Variants in NRK observed in about 807,000 individuals in gnomAD.
NRK encodes the protein Nik related kinase.
A neutral mutation model predicts 125.2 loss-of-function variants in NRK; 67 were observed. That is an observed-to-expected ratio of 0.54 (90% CI 0.44 to 0.66). The LOEUF (loss-of-function observed/expected upper bound fraction) is 0.66. Among genes scored for constraint, NRK ranks in the 30% least tolerant of loss-of-function variants. The probability of loss-of-function intolerance (pLI) is 0.00; values close to 1 mark genes in which losing one functional copy is unlikely to be tolerated. For missense variants in NRK, 1,224 were observed against 1,192.9 expected (o/e 1.03, Z -0.38); for synonymous variants, 458 against 429.0 (o/e 1.07, Z -0.84).
rs1439398846 is a variant in NRK, at chrX:105,945,874, A to G, written c.4062A>G (p.Val1354=). ...KSFDESTAIK[V]CIDQSADSEG... The stretch of plus-strand genomic sequence containing the variant: ...TGGCCCTTTTCATTCCCTACCAAGT[A>G]TGCATTGATCAATCAGCAGACTCTG... Residue 1354 remains valine, a splice_region_variant and synonymous_variant, in exon 25 of 29, where the codon GTA becomes GTG. Transcript: ENST00000243300. The G allele has an allele frequency of 8.3e-7, 1 of 1,207,277 alleles. No individual in the cohort carries two copies. The highest frequency in any genetic ancestry group is 3.0e-5 in the East Asian group (1 of 33,809).
intron 2 of NRK, among the ~76,000 whole-genome samples, chrX:105,831,905 G>A (rs892457046): frequency 2.7e-5 from 3 of 111,570 alleles, no homozygotes; most frequent in Non-Finnish European, 5.7e-5. Context: ...CCAATAAAGT[G>A]TAACAACTAT....
intron 19 of NRK, among the ~76,000 whole-genome samples, chrX:105,928,293 A>C (rs1231144489): frequency 9.0e-6 from 1 of 111,076 alleles, no homozygotes; most frequent in East Asian, 2.8e-4. Context: ...TTTTCATAAT[A>C]GTCTCTTATG....
At chrX:105,946,972 A>T (rs1333689373) in intron 26 of NRK, among the ~76,000 whole-genome samples, 3 of 112,030 alleles carry the variant, frequency 2.7e-5, no homozygotes, top group Non-Finnish European at 5.6e-5. Context: ...ACAAATTTTT[A>T]AAAAATACAA....
chrX:105,916,605 T>G (rs1037547040), intron 15 of NRK, among the ~76,000 whole-genome samples: 1 of 111,673 alleles, frequency 9.0e-6, no homozygotes, highest in Non-Finnish European at 1.9e-5. Flanking sequence ...CCCATACAAT[T>G]ATGTCTTCAG....
intron 27 of NRK, among the ~76,000 whole-genome samples, chrX:105,952,688 A>G (rs1358594935): frequency 1.8e-5 from 2 of 112,121 alleles, no homozygotes; most frequent in Non-Finnish European, 3.8e-5. Context: ...TGTCACTTAG[A>G]CTATAAAATG....
intron 2 of NRK, among the ~76,000 whole-genome samples, chrX:105,877,126 C>T (rs781522637): frequency 3.2e-4 from 36 of 111,750 alleles, no homozygotes; most frequent in Non-Finnish European, 5.7e-4. Flanking sequence ...ATGAAAAGGG[C>T]ATTTCACTTC....
intron 2 of NRK, among the ~76,000 whole-genome samples, chrX:105,858,738 A>T (rs1164881978): frequency 9.0e-6 from 1 of 111,306 alleles, no homozygotes; most frequent in African/African-American, 3.3e-5. Flanking sequence ...AGTGTCAGAA[A>T]ATAAATCATC....
chrX:105,843,501 A>C (rs1286848143), intron 2 of NRK, among the ~76,000 whole-genome samples: 2 of 112,555 alleles, frequency 1.8e-5, no homozygotes, highest in African/African-American at 6.5e-5. Flanking sequence ...TTTCAAAATT[A>C]TACCACCTAA....
chrX:105,955,402 TTAA>T (rs2040962833), intron 28 of NRK, 100 bp from the exon 29 acceptor site: 4 of 469,180 alleles, frequency 8.5e-6, no homozygotes, highest in Admixed American at 7.0e-5. Flanking sequence ...ACAGTAAGGC[TTAA>T]TATCTTAATT....
intron 23 of NRK, 45 bp from the exon 24 acceptor site, chrX:105,943,896 T>C (rs776234470): frequency 1.1e-5 from 7 of 644,826 alleles, no homozygotes; most frequent in Non-Finnish European, 1.7e-5. Flanking sequence ...TTGAGTGTTC[T>C]TGTTAACTGT....
At position 105,915,752 on chromosome X, in the gene NRK, T is replaced by C; in HGVS notation, c.2372T>C (p.Val791Ala). The change falls in exon 15 of 29, where the codon GTG becomes GCG. Residue 791 changes from valine to alanine, a missense_variant. By Grantham distance (64) the Val-to-Ala change is moderately conservative. Coordinates refer to ENST00000243300, the MANE Select transcript of NRK (RefSeq NM_198465.4). The part of the protein sequence containing the change: ...KIEVQERSPS[V>A]PNNQDHAHHV... ...AAGGTTCAAGAGAGATCTCCTTCTG[T>C]GCCTAACAACCAGGATCATGCACAT... 8.7e-7 allele frequency: 1 copy of C among 1,155,866 alleles called. No individual in the cohort carries two copies.
intron 27 of NRK, among the ~76,000 whole-genome samples, 170 bp downstream of exon 27, chrX:105,949,904 A>G (rs947380509): frequency 8.9e-6 from 1 of 111,765 alleles, no homozygotes; most frequent in South Asian, 3.8e-4. Context: ...TATTTGTCCT[A>G]TGCTTAATGA....
intron 9 of NRK, among the ~76,000 whole-genome samples, chrX:105,901,611 A>T (rs2040158217): frequency 9.0e-6 from 1 of 111,177 alleles, no homozygotes; most frequent in Admixed American, 9.6e-5. Flanking sequence ...TTTCAAGGCC[A>T]ATGAGAGGAA....
chrX:105,878,260 T>G (rs2039840045), intron 2 of NRK, among the ~76,000 whole-genome samples: 1 of 110,978 alleles, frequency 9.0e-6, no homozygotes, highest in Non-Finnish European at 1.9e-5. Context: ...TAAATAAATT[T>G]GAAGGGTATC....
chrX:105,871,058 A>G (rs1451409998), intron 2 of NRK, among the ~76,000 whole-genome samples: 1 of 112,019 alleles, frequency 8.9e-6, no homozygotes, highest in Non-Finnish European at 1.9e-5. Context: ...TGATATAACT[A>G]CAGAGGGTAT....
At chrX:105,953,509 ATTT>A (rs2040930468) in intron 28 of NRK, among the ~76,000 whole-genome samples, 2 of 111,763 alleles carry the variant, frequency 1.8e-5, no homozygotes, top group Non-Finnish European at 3.8e-5. Context: ...TTAAAATGAT[ATTT>A]TTAAACAAAA....
At chrX:105,938,406 CT>C (rs1350613776) in intron 22 of NRK, among the ~76,000 whole-genome samples, 1 of 111,920 alleles carries the variant, frequency 8.9e-6, no homozygotes. Context: ...ATTAACTTTG[CT>C]TTACATTTTG....
Position 105,939,905 on chromosome X carries a change from G to A in NRK, c.3831G>A (p.Leu1277=), listed in dbSNP as rs754678730. The change falls in exon 23 of 29, where the codon CTG becomes CTA. Residue 1277 remains leucine (L), a synonymous_variant. Transcript: ENST00000243300. ...GHKNRLRVYH[L]TWLRNKILNN... ...AGAACAGACTTCGGGTGTATCATCT[G>A]ACCTGGTTGAGGAACAAGATTTTGA... 4.4e-5 allele frequency: 52 copies of A among 1,187,480 alleles called. No individual in the cohort carries two copies. Among genetic ancestry groups the A allele is most frequent in the Non-Finnish European group, 5.4e-5 (47 of 876,976 alleles).
chrX:105,881,871 A>G (rs977167705), intron 4 of NRK, 92 bp downstream of exon 4: 1 of 488,064 alleles, frequency 2.0e-6, no homozygotes, highest in Non-Finnish European at 3.6e-6. Flanking sequence ...CATTATCTCT[A>G]GAAGACTGCT....
Sources: allele counts gnomAD v4.1 joint callset (sites outside exome capture counted in the v4.1 genomes callset), GRCh38; gene constraint gnomAD v4.1.1; transcripts MANE v1.5; gene names NCBI Gene and HGNC (gene_info 2026-07-23, HGNC 2026-07-21).